Variants in ADAMTSL1 observed in about 807,000 individuals in gnomAD.
The protein encoded by ADAMTSL1 is ADAMTS like 1.
In ADAMTSL1, 126 loss-of-function variants were observed where a neutral mutation model predicts 201.8. That is an observed-to-expected ratio of 0.62 (90% CI 0.54 to 0.72). ADAMTSL1 has a LOEUF of 0.72. Among genes scored for constraint, ADAMTSL1 ranks in the 30% least tolerant of loss-of-function variants. The pLI is 0.00. For missense variants in ADAMTSL1, 2,679 were observed against 2,277.8 expected, an observed-to-expected ratio of 1.18 and a Z score of -3.59; for synonymous variants, 1,121 against 903.4, an observed-to-expected ratio of 1.24 and a Z score of -4.32.
At chr9:18,140,880 A>C (rs190988130) in intron 1 of ADAMTSL1, among the ~76,000 whole-genome samples, 249 of 152,334 alleles carry the variant, frequency 1.6e-3, no homozygotes, top group African/African-American at 5.9e-3. Context: ...AGAGCTGTCC[A>C]AAATTAGGCT....
At chr9:18,571,916 G>C (rs1421165512) in intron 3 of ADAMTSL1, among the ~76,000 whole-genome samples, 1 of 152,220 alleles carries the variant, frequency 6.6e-6, no homozygotes, top group African/African-American at 2.4e-5. Flanking sequence ...TTTGTGGCCA[G>C]TTGCGGTGGC....
At chr9:17,995,022 G>A (rs1410957689) in intron 1 of ADAMTSL1, among the ~76,000 whole-genome samples, 2 of 152,160 alleles carry the variant, frequency 1.3e-5, no homozygotes, top group African/African-American at 4.8e-5. Context: ...CTCCACAAGA[G>A]ATTCTTTCTC....
chr9:18,492,414 T>A (rs996413144), intron 1 of ADAMTSL1, among the ~76,000 whole-genome samples: 4 of 152,184 alleles, frequency 2.6e-5, no homozygotes, highest in African/African-American at 9.7e-5. Flanking sequence ...TAGCATTTCT[T>A]TTATTATTCA....
At chr9:18,408,947 A>C (rs552521707) in intron 2 of ADAMTSL1, among the ~76,000 whole-genome samples, 417 of 152,288 alleles carry the variant, frequency 2.7e-3, no homozygotes, top group Non-Finnish European at 4.9e-3. Flanking sequence ...AGATCAAACA[A>C]TTTTCATAGG....
At chr9:18,249,822 A>C (rs1426234063) in intron 2 of ADAMTSL1, among the ~76,000 whole-genome samples, 7 of 152,142 alleles carry the variant, frequency 4.6e-5, no homozygotes, top group African/African-American at 1.7e-4. Context: ...GGGAGAGTTC[A>C]GGGCAGAGAG....
intron 15 of ADAMTSL1, among the ~76,000 whole-genome samples, chr9:18,749,494 T>C (rs1819335366): frequency 6.6e-6 from 1 of 152,138 alleles, no homozygotes; most frequent in Non-Finnish European, 1.5e-5. Flanking sequence ...CTGTCCTCCT[T>C]GCACCAGGCT....
intron 2 of ADAMTSL1, among the ~76,000 whole-genome samples, chr9:18,287,801 A>G (rs56209582): frequency 0.065 from 9,407 of 144,692 alleles, 977 homozygotes; most frequent in African/African-American, 0.22. Context: ...GAAGGATCCC[A>G]CAGAACCATA....
chr9:18,017,480 A>G (rs1361169746), intron 1 of ADAMTSL1, among the ~76,000 whole-genome samples: 1 of 151,944 alleles, frequency 6.6e-6, no homozygotes, highest in Non-Finnish European at 1.5e-5. Flanking sequence ...TACAGGATAG[A>G]CCATCAAGGA....
chr9:18,682,109 T>C, intron 12 of ADAMTSL1, 150 bp downstream of exon 12: 1 of 955,692 alleles, frequency 1.0e-6, no homozygotes, highest in East Asian at 2.8e-5. Flanking sequence ...TTGATTATCT[T>C]AAAGAATCTT....
chr9:18,892,403 C>T lies in ADAMTSL1; in HGVS notation c.4658C>T (p.Ser1553Phe). 6.2e-7 allele frequency: 1 copy of T among 1,612,928 alleles called. No individual in the cohort carries two copies. The highest frequency in any genetic ancestry group is 8.5e-7 in the Non-Finnish European group (1 of 1,179,636). ...RDCPSRWMVT[S>F]WSACTRSCGG... ...CCTCTCCCCAGGTGGATGGTGACCT[C>T]CTGGTCTGCCTGTACCCGGAGCTGT... The change falls in exon 26 of 29, where the codon TCC becomes TTC. Residue 1553 changes from serine (S) to phenylalanine (F), a missense_variant. Transcript: ENST00000380548.
At chr9:18,900,502 C>T (rs1435316291) in intron 26 of ADAMTSL1, among the ~76,000 whole-genome samples, 1 of 152,054 alleles carries the variant, frequency 6.6e-6, no homozygotes, top group African/African-American at 2.4e-5. Context: ...GCACTACTCA[C>T]AATAGCAAAG....
intron 1 of ADAMTSL1, among the ~76,000 whole-genome samples, chr9:18,000,920 G>A (rs1216046710): frequency 1.3e-5 from 2 of 152,012 alleles, no homozygotes; most frequent in Non-Finnish European, 2.9e-5. Context: ...TCAGTTCCAG[G>A]AAGTGACTGT....
At chr9:18,228,126 C>T (rs560375490) in intron 2 of ADAMTSL1, among the ~76,000 whole-genome samples, 1 of 152,138 alleles carries the variant, frequency 6.6e-6, no homozygotes, top group Non-Finnish European at 1.5e-5. Flanking sequence ...AATTTATTTA[C>T]GAAGTCATTG....
At chr9:18,506,705 A>G (rs1817684007) in intron 2 of ADAMTSL1, among the ~76,000 whole-genome samples, 1 of 152,230 alleles carries the variant, frequency 6.6e-6, no homozygotes, top group African/African-American at 2.4e-5. Flanking sequence ...TTAGAAAAGT[A>G]GAATGTAAAT....
At chr9:18,632,251 G>A (rs962528282) in intron 5 of ADAMTSL1, among the ~76,000 whole-genome samples, 2 of 152,204 alleles carry the variant, frequency 1.3e-5, no homozygotes, top group African/African-American at 4.8e-5. Context: ...ATCAGAAAGT[G>A]AGACAATTAT....
intron 2 of ADAMTSL1, among the ~76,000 whole-genome samples, chr9:18,361,604 G>C (rs1037046244): frequency 1.3e-5 from 2 of 152,118 alleles, no homozygotes; most frequent in South Asian, 2.1e-4. Context: ...GTTACACTCC[G>C]AAGCCACTTC....
intron 1 of ADAMTSL1, among the ~76,000 whole-genome samples, chr9:17,995,241 G>C (rs2131511550): frequency 6.6e-6 from 1 of 152,258 alleles, no homozygotes; most frequent in Non-Finnish European, 1.5e-5. Context: ...AGAGAAAGAG[G>C]AGGTGAGAAA....
chr9:18,476,748 A>C (rs1425785998), intron 1 of ADAMTSL1, among the ~76,000 whole-genome samples: 1 of 152,096 alleles, frequency 6.6e-6, no homozygotes, highest in Admixed American at 6.6e-5. Context: ...CAATTTCTAA[A>C]GGTCTCTGTA....
intron 4 of ADAMTSL1, among the ~76,000 whole-genome samples, chr9:18,609,893 A>C (rs1825271114): frequency 6.6e-6 from 1 of 152,192 alleles, no homozygotes; most frequent in Non-Finnish European, 1.5e-5. Flanking sequence ...CAAGTATATA[A>C]AATAGGTTGG....
Sources: allele counts gnomAD v4.1 joint callset (sites outside exome capture counted in the v4.1 genomes callset), GRCh38; gene constraint gnomAD v4.1.1; transcripts MANE v1.5; gene names NCBI Gene and HGNC (gene_info 2026-07-23, HGNC 2026-07-21).